Variants in LGMN observed in about 807,000 individuals in gnomAD.
LGMN encodes legumain.
Under a neutral mutation model 56.8 loss-of-function variants are expected in LGMN, and 36 were observed. That is an observed-to-expected ratio of 0.63 (90% CI 0.49 to 0.84). LGMN has a LOEUF of 0.84. Among genes scored for constraint, LGMN ranks in the 40% least tolerant of loss-of-function variants. The probability of loss-of-function intolerance (pLI) is 0.00; values close to 1 mark genes in which losing one functional copy is unlikely to be tolerated. For missense variants in LGMN, 446 were observed against 556.1 expected (o/e 0.80, Z 1.99); for synonymous variants, 199 against 210.1 (o/e 0.95, Z 0.46).
intron 1 of LGMN, among the ~76,000 whole-genome samples, chr14:92,734,862 G>A (rs1297725971): frequency 6.6e-6 from 1 of 152,134 alleles, no homozygotes; most frequent in Non-Finnish European, 1.5e-5. Context: ...CAGGGCTGGT[G>A]GTGCTCATTC....
intron 6 of LGMN, 58 bp from the exon 7 acceptor site, chr14:92,713,943 G>A: frequency 7.7e-7 from 1 of 1,298,798 alleles, no homozygotes; most frequent in Non-Finnish European, 1.1e-6. Flanking sequence ...TGCTGGATAA[G>A]CCACTAGTAA....
intron 4 of LGMN, among the ~76,000 whole-genome samples, chr14:92,716,758 G>A (rs2140225521): frequency 6.6e-6 from 1 of 152,228 alleles, no homozygotes; most frequent in Non-Finnish European, 1.5e-5. Context: ...ACAAAGAATT[G>A]TTAAACATCA....
intron 2 of LGMN, 139 bp from the exon 3 acceptor site, chr14:92,718,983 A>C: frequency 1.7e-6 from 1 of 590,394 alleles, no homozygotes; most frequent in Non-Finnish European, 3.1e-6. Flanking sequence ...ATTATTTTAA[A>C]ACACATACAT....
intron 1 of LGMN, among the ~76,000 whole-genome samples, chr14:92,746,515 C>T (rs1360310717): frequency 5.3e-5 from 8 of 152,182 alleles, no homozygotes; most frequent in Non-Finnish European, 1.2e-4. Flanking sequence ...TTTCTCCTCC[C>T]GTCCCACTGC....
rs199907670 is a variant in LGMN at position 92,714,843 on chromosome 14, C to CG, written c.405-393_405-392insC. On this transcript the variant is annotated intron_variant, in intron 5 of 13. Coordinates refer to ENST00000334869, the MANE Select transcript of LGMN (RefSeq NM_005606.7). The surrounding 1 kb of genome is among the most constrained non-coding windows in gnomAD (Gnocchi z 5.1). ...TCAACACAGGCCTGCAGCCTCCCCC[C>CG]CTCCAGGCCTCCTGTGGCCCACAGT... is the stretch of plus-strand genomic sequence containing the variant. 6.6e-6 allele frequency among the ~76,000 whole-genome samples: 1 copy of CG among 152,138 alleles called. No homozygotes were observed. Among genetic ancestry groups the CG allele is most frequent in the South Asian group, 2.1e-4 (1 of 4,824 alleles).
Position 92,714,165 on chromosome 14 carries a change from G to A in LGMN, c.480+211C>T, listed in dbSNP as rs1889943504. ...ACATCCTGAGACAGCTACCGACGCT[G>A]CGACATGAACAGAAAAGCAGGGAAA... On this transcript the variant is annotated intron_variant, in intron 6 of 13. Coordinates refer to ENST00000334869, the MANE Select transcript of LGMN (RefSeq NM_005606.7). This position sits in a 1 kb window ranked among gnomAD's most constrained non-coding sequence, Gnocchi z 5.1. Among the ~76,000 whole-genome samples, 2 of 152,200 alleles carry A rather than the reference G, an allele frequency of 1.3e-5. No individual in the cohort carries two copies. Among genetic ancestry groups the A allele is most frequent in the Non-Finnish European group, 2.9e-5 (2 of 68,042 alleles).
chr14:92,718,903 C>G, intron 2 of LGMN, 59 bp from the exon 3 acceptor site: 2 of 1,176,540 alleles, frequency 1.7e-6, no homozygotes, highest in Non-Finnish European at 2.6e-6. Flanking sequence ...TTTTGGAGTT[C>G]TAAGGAGTGA....
chr14:92,734,835 T>C (rs1003976787), intron 1 of LGMN, among the ~76,000 whole-genome samples: 38 of 152,302 alleles, frequency 2.5e-4, no homozygotes, highest in South Asian at 2.1e-4. Flanking sequence ...GGCTGACTTC[T>C]GTCCCAATGC....
At chr14:92,737,346 C>A (rs756519950) in intron 1 of LGMN, among the ~76,000 whole-genome samples, 2 of 152,150 alleles carry the variant, frequency 1.3e-5, no homozygotes, top group African/African-American at 2.4e-5. Context: ...TCACCTAACT[C>A]CTCAAGAGTT....
At chr14:92,744,544 C>T (rs537166739) in intron 1 of LGMN, among the ~76,000 whole-genome samples, 1 of 151,286 alleles carries the variant, frequency 6.6e-6, no homozygotes, top group Non-Finnish European at 1.5e-5. Context: ...TTCAGTTTTA[C>T]ATTTTACAGA....
At chr14:92,740,217 C>T (rs747162257) in intron 1 of LGMN, among the ~76,000 whole-genome samples, 1 of 152,306 alleles carries the variant, frequency 6.6e-6, no homozygotes, top group South Asian at 2.1e-4. Flanking sequence ...CATTGCACTC[C>T]AGCCTGGGCA....
chr14:92,731,978 G>C (rs552404153), intron 2 of LGMN, among the ~76,000 whole-genome samples: 49 of 152,264 alleles, frequency 3.2e-4, no homozygotes, highest in African/African-American at 1.1e-3. Flanking sequence ...CCTTCTGGTA[G>C]GCTGATGTGG....
intron 2 of LGMN, among the ~76,000 whole-genome samples, chr14:92,729,804 G>A (rs1429818179): frequency 6.6e-6 from 1 of 152,218 alleles, no homozygotes; most frequent in Non-Finnish European, 1.5e-5. Context: ...GACAGAAGCA[G>A]CCCCTTGGCA....
rs200248140 is a variant in LGMN at position 92,709,790 on chromosome 14, T to A, written c.902A>T (p.His301Leu). The change falls in exon 11 of 14, where the codon CAC (histidine) becomes CTC (leucine). Residue 301 changes from histidine (H) to leucine (L), a missense_variant. Physicochemically the swap from His to Leu is moderately conservative, Grantham distance 99. Transcript: ENST00000334869. Reference protein sequence around the residue: ...SSPVPLPPVTHLDLTPSPDVP... With the variant: ...SSPVPLPPVTLLDLTPSPDVP... ...ATCAGGGCTGGGGGTGAGGTCAAGG[T>A]GTGTGACTGGAGGTAGGGGGACGGG... 1.9e-5 allele frequency: 30 copies of A among 1,613,810 alleles called. No individual in the cohort carries two copies. The East Asian group carries it at 6.0e-4, about 32-fold the overall frequency.
At chr14:92,744,568 CT>C (rs1047495050) in intron 1 of LGMN, among the ~76,000 whole-genome samples, 1 of 143,554 alleles carries the variant, frequency 7.0e-6, no homozygotes, top group Non-Finnish European at 1.5e-5. Context: ...ATGACTTTAT[CT>C]TTTTTTTAAG....
rs1890204739 is a variant in LGMN, at chr14:92,718,845, C to G, written c.139-1G>C. ...TCTGGTAGGCATGGCACGCGTCTGCCTGGGAGAAATGATTTGGTGAAGTTT... is the reference window on the plus strand; with the variant it reads ...TCTGGTAGGCATGGCACGCGTCTGCGTGGGAGAAATGATTTGGTGAAGTTT... On this transcript the variant is annotated splice_acceptor_variant, in intron 2 of 13. Coordinates refer to ENST00000334869, the MANE Select transcript of LGMN (RefSeq NM_005606.7). LOFTEE classifies it high-confidence loss of function. 1 of 1,610,938 alleles carries G rather than the reference C, an allele frequency of 6.2e-7. No homozygotes were observed. Among genetic ancestry groups the G allele is most frequent in the Non-Finnish European group, 8.5e-7 (1 of 1,177,588 alleles).
chr14:92,719,107 C>T (rs368407666), intron 2 of LGMN, among the ~76,000 whole-genome samples: 14 of 151,538 alleles, frequency 9.2e-5, no homozygotes, highest in East Asian at 3.9e-4. Context: ...CACACGTGCA[C>T]ATACACACCC....
intron 1 of LGMN, among the ~76,000 whole-genome samples, chr14:92,735,685 A>G (rs955659160): frequency 9.9e-5 from 15 of 152,164 alleles, no homozygotes; most frequent in African/African-American, 3.6e-4. Context: ...CAGGAACTTA[A>G]TTCTTAATCC....
At chr14:92,719,263 A>ACCACCGCCACCGCCG (rs1566924231) in intron 2 of LGMN, among the ~76,000 whole-genome samples, 1 of 65,118 alleles carries the variant, frequency 1.5e-5, no homozygotes, top group African/African-American at 6.8e-5. Context: ...CACCACCGCC[A>ACCACCGCCACCGCCG]CCGCCGCCGC....
Sources: gnomAD v4.1 joint callset for allele counts (sites outside exome capture counted in the v4.1 genomes callset) on GRCh38, gnomAD v4.1.1 for gene constraint, Gnocchi (gnomAD v3.1) non-coding constraint, MANE v1.5 for transcripts, NCBI Gene and HGNC (gene_info 2026-07-23, HGNC 2026-07-21) for gene names.